Variants in SLC5A10 observed in about 807,000 individuals in gnomAD.
SLC5A10 encodes sodium/mannose cotransporter SLC5A10.
In SLC5A10, 55 loss-of-function variants were observed where a neutral mutation model predicts 68.9. That is an observed-to-expected ratio of 0.80 (90% CI 0.64 to 1.00). The LOEUF (loss-of-function observed/expected upper bound fraction) is 1.00, where lower values mean the gene tolerates loss of function less well. Among genes scored for constraint, SLC5A10 ranks in the 50% least tolerant of loss-of-function variants. SLC5A10 has a pLI of 0.00. For synonymous variants in SLC5A10, 344 were observed against 344.8 expected (o/e 1.00, Z 0.02); for missense variants, 732 against 819.3 (o/e 0.89, Z 1.30).
chr17:18,979,704 C>G, intron 9 of SLC5A10: 1 of 1,611,440 alleles, frequency 6.2e-7, no homozygotes. Flanking sequence ...CAGAATTACA[C>G]GACTGCAACC....
Position 19,002,767 on chromosome 17 carries a change from T to C in SLC5A10, c.983-10643T>C, listed in dbSNP as rs1017595086. Among the ~76,000 whole-genome samples the C allele has an allele frequency of 8.5e-5, 13 of 152,308 alleles. No individual in the cohort carries two copies. The East Asian group carries it at 2.5e-3, about 29-fold the overall frequency. On this transcript the variant is annotated intron_variant, in intron 9 of 14. Coordinates refer to ENST00000395645, the MANE Select transcript of SLC5A10 (RefSeq NM_001042450.4). Reference sequence around the variant, plus strand: ...CCCCTTCTCAGAATGTGTGACGGTGTGTCAGCCAAGAATGGCCCCCCACAG... The same window carrying C: ...CCCCTTCTCAGAATGTGTGACGGTGCGTCAGCCAAGAATGGCCCCCCACAG...
In SLC5A10 at chr17:18,996,585, A is replaced by G. The variant is rs530783953; in HGVS notation, c.983-16825A>G. On this transcript the variant is annotated intron_variant, in intron 9 of 14. Coordinates refer to ENST00000395645, the MANE Select transcript of SLC5A10 (RefSeq NM_001042450.4). This position sits in a 1 kb window ranked among gnomAD's most constrained non-coding sequence, Gnocchi z 4.4. ...TCATCTTGCCTCCCAGGGTAAAGGG[A>G]GTCTGTGTACTTGGTAACAAATGCT... 3.0e-4 allele frequency among the ~76,000 whole-genome samples: 46 copies of G among 152,000 alleles called. No homozygotes were observed. The highest frequency in any genetic ancestry group is 1.1e-3 in the African/African-American group (45 of 41,460).
At chr17:18,979,408 G>T in intron 9 of SLC5A10, 1 of 980,166 alleles carries the variant, frequency 1.0e-6, no homozygotes, top group Non-Finnish European at 1.5e-6. Flanking sequence ...AGACAGGCGG[G>T]CAGATGTGCT....
In SLC5A10 at chr17:18,971,150, G is replaced by A. The variant is rs765378838; in HGVS notation, c.778G>A (p.Asp260Asn). 2 of 1,614,038 alleles carry A rather than the reference G, an allele frequency of 1.2e-6. No individual in the cohort carries two copies. The highest frequency in any genetic ancestry group is 8.5e-7 in the Non-Finnish European group (1 of 1,180,038). ...MHMFRDPHTG[D>N]LPWTGMTFGL... is the part of the protein sequence containing the mutation. ...CATGTTTCGAGACCCCCACACAGGGGACCTGCCGTGGACCGGGATGACCTT... is the reference window on the plus strand; with the variant it reads ...CATGTTTCGAGACCCCCACACAGGGAACCTGCCGTGGACCGGGATGACCTT... The change falls in exon 8 of 15, where the codon GAC (aspartate) becomes AAC (asparagine). Residue 260 changes from aspartate to asparagine, a missense_variant. Physicochemically the swap from Asp to Asn is conservative, Grantham distance 23. Transcript: ENST00000395645. This position sits in a 1 kb window ranked among gnomAD's most constrained non-coding sequence, Gnocchi z 5.5.
Position 18,978,305 on chromosome 17 carries a change from T to C in SLC5A10, c.982+1316T>C, listed in dbSNP as rs2043037910. The C allele has an allele frequency of 2.5e-6, 4 of 1,610,876 alleles. No homozygotes were observed. In the East Asian group the frequency reaches 8.9e-5, roughly 36 times the overall value. On this transcript the variant is annotated intron_variant, in intron 9 of 14. Coordinates refer to ENST00000395645, the MANE Select transcript of SLC5A10 (RefSeq NM_001042450.4). ...CCACAGCTGGTGCTGGGCGCTGGCCTGGGAGGTGTCACGGATCTTGATGCG... is the reference window on the plus strand; with the variant it reads ...CCACAGCTGGTGCTGGGCGCTGGCCCGGGAGGTGTCACGGATCTTGATGCG...
upstream of SLC5A10, chr17:18,952,118 C>G: frequency 6.6e-7 from 1 of 1,515,776 alleles, no homozygotes; most frequent in East Asian, 2.5e-5. Flanking sequence ...GTTTAATGAT[C>G]AATGAGCTCC....
chr17:18,999,825 G>A (rs903706259), intron 9 of SLC5A10, among the ~76,000 whole-genome samples: 1 of 152,220 alleles, frequency 6.6e-6, no homozygotes, highest in African/African-American at 2.4e-5. Context: ...GGCCACCGGC[G>A]CCTCACCTGC....
chr17:18,992,996 C>T (rs770685944), intron 9 of SLC5A10, among the ~76,000 whole-genome samples: 2 of 152,218 alleles, frequency 1.3e-5, no homozygotes, highest in Non-Finnish European at 1.5e-5. Flanking sequence ...ACTCTTGAAG[C>T]AGAAGTGCCC....
At chr17:18,999,239 C>T (rs1597887864) in intron 9 of SLC5A10, among the ~76,000 whole-genome samples, 1 of 151,870 alleles carries the variant, frequency 6.6e-6, no homozygotes, top group Non-Finnish European at 1.5e-5. Flanking sequence ...GATCGTGCCA[C>T]TGCACTCCAG....
intron 5 of SLC5A10, among the ~76,000 whole-genome samples, chr17:18,966,731 C>A: frequency 7.7e-6 from 1 of 130,348 alleles, no homozygotes. Context: ...GCCTGGGTGA[C>A]AGAGCAAGAC....
At chr17:18,963,542 C>A (rs984102898) in intron 5 of SLC5A10, among the ~76,000 whole-genome samples, 2 of 152,224 alleles carry the variant, frequency 1.3e-5, no homozygotes, top group African/African-American at 4.8e-5. Flanking sequence ...GGCTTGGCTG[C>A]GAGAGGACTG....
intron 9 of SLC5A10, among the ~76,000 whole-genome samples, chr17:18,990,946 C>T (rs964149464): frequency 1.3e-5 from 2 of 152,178 alleles, no homozygotes; most frequent in Non-Finnish European, 2.9e-5. Context: ...AACCCAGGGC[C>T]CTGTCCCACC....
At chr17:18,993,269 T>G (rs542395964) in intron 9 of SLC5A10, among the ~76,000 whole-genome samples, 72 of 152,336 alleles carry the variant, frequency 4.7e-4, no homozygotes, top group African/African-American at 1.6e-3. Context: ...CTGCCCATTT[T>G]GCATCTGCTC....
At chr17:18,959,002 C>G in intron 2 of SLC5A10, 133 bp from the exon 3 acceptor site, 2 of 877,592 alleles carry the variant, frequency 2.3e-6, no homozygotes, top group Non-Finnish European at 3.5e-6. Context: ...GAACACACAC[C>G]CTGGGCTCCT....
chr17:18,959,520 C>A, intron 3 of SLC5A10, 84 bp from the exon 4 acceptor site: 1 of 1,474,180 alleles, frequency 6.8e-7, no homozygotes, highest in Non-Finnish European at 9.4e-7. Flanking sequence ...CTCCGGATGG[C>A]TCATCCCAGC....
At chr17:18,951,948 G>A (rs2151986634), upstream of SLC5A10, 3 of 476,978 alleles carry the variant, frequency 6.3e-6, no homozygotes, top group East Asian at 1.2e-4. Flanking sequence ...AGTTCAAGGA[G>A]GCTCCTTCCT....
In SLC5A10 at chr17:18,971,241, C is replaced by T. The variant is rs2152001712; in HGVS notation, c.846+23C>T. 5.6e-6 allele frequency: 9 copies of T among 1,612,792 alleles called. No individual in the cohort carries two copies. The highest frequency in any genetic ancestry group is 8.5e-7 in the Non-Finnish European group (1 of 1,179,152). ...CAGGTGAGTGCCAACGTCTCCCGCC[C>T]ATCCCACCTTCCTGCCGTCCCAGTG... is the stretch of plus-strand genomic sequence containing the variant. On this transcript the variant is annotated intron_variant, in intron 8 of 14. Coordinates refer to ENST00000395645, the MANE Select transcript of SLC5A10 (RefSeq NM_001042450.4). This position sits in a 1 kb window ranked among gnomAD's most constrained non-coding sequence, Gnocchi z 5.5.
chr17:19,004,182 C>A lies in SLC5A10; in HGVS notation c.983-9228C>A. The A allele has an allele frequency of 1.3e-6, 1 of 768,506 alleles. No individual in the cohort carries two copies. The highest frequency in any genetic ancestry group is 1.9e-6 in the Non-Finnish European group (1 of 515,530). The allele number at this position is 768,506 out of a possible 1,614,324, so 47.6% of individuals were successfully genotyped here. A position where few individuals can be genotyped will look rare whatever the true frequency, so the allele number is the denominator to read the frequency against. ...GCCCATGAGCAATCTGCGGGAAAGACCTGATGAGCCCGGCTCGGCGGGGAG... is the reference window on the plus strand; with the variant it reads ...GCCCATGAGCAATCTGCGGGAAAGAACTGATGAGCCCGGCTCGGCGGGGAG... On this transcript the variant is annotated intron_variant, in intron 9 of 14. Transcript: ENST00000395645. This position sits in a 1 kb window ranked among gnomAD's most constrained non-coding sequence, Gnocchi z 5.4.
chr17:19,007,193 A>AT (rs36006919), intron 9 of SLC5A10, among the ~76,000 whole-genome samples: 71,541 of 133,552 alleles, frequency 0.54, 20,880 homozygotes, highest in Middle Eastern at 0.68. Flanking sequence ...TGTTACCGCT[A>AT]TTTTTTTTTT....
Sources: allele counts gnomAD v4.1 joint callset (sites outside exome capture counted in the v4.1 genomes callset), GRCh38; gene constraint gnomAD v4.1.1; non-coding constraint Gnocchi (gnomAD v3.1); transcripts MANE v1.5; gene names NCBI Gene and HGNC (gene_info 2026-07-23, HGNC 2026-07-21).